The following FARP2 variants were observed in gnomAD, a reference collection of about 807,000 sequenced individuals.
FARP2 encodes the protein FERM, ARH/RhoGEF and pleckstrin domain protein 2.
A neutral mutation model predicts 130.5 loss-of-function variants in FARP2; 111 were observed. The ratio of observed to expected loss-of-function variants is 0.85; its 90% CI spans 0.73 to 1.00. The LOEUF (loss-of-function observed/expected upper bound fraction) is 1.00. FARP2 is among the 50% of genes least tolerant of loss of function. The pLI, the probability that FARP2 is intolerant of heterozygous loss-of-function variation, is 0.00. For synonymous variants in FARP2, 504 were observed against 516.9 expected, an observed-to-expected ratio of 0.98 and a Z score of 0.34; for missense variants, 1,385 against 1,346.3, an observed-to-expected ratio of 1.03 and a Z score of -0.45.
At chr2:241,430,209 T>A (rs1367572093) in intron 8 of FARP2, among the ~76,000 whole-genome samples, 2 of 152,372 alleles carry the variant, frequency 1.3e-5, no homozygotes, top group African/African-American at 4.8e-5. Context: ...TCAAGCTGCC[T>A]CTTGTGTCCT....
At chr2:241,462,716 G>A in intron 15 of FARP2, 104 bp downstream of exon 15, 1 of 756,532 alleles carries the variant, frequency 1.3e-6, no homozygotes, top group Non-Finnish European at 2.2e-6. Flanking sequence ...TTGAGATGGA[G>A]CCTCACTCTG....
chr2:241,390,456 T>C (rs2061880093), intron 2 of FARP2, among the ~76,000 whole-genome samples: 2 of 152,206 alleles, frequency 1.3e-5, no homozygotes, highest in Admixed American at 1.3e-4. Context: ...TTTCATCATT[T>C]TTATCTCTAG....
At position 241,475,992 on chromosome 2, in the gene FARP2, G is replaced by A. The variant is rs1244197735; in HGVS notation, c.2262+5G>A. ...AACCTCATTGCTCCTGGCAGGGTGAGTGACCTTGCTCTGGGAATGTTTTTT... is the reference window on the plus strand; with the variant it reads ...AACCTCATTGCTCCTGGCAGGGTGAATGACCTTGCTCTGGGAATGTTTTTT... On this transcript the variant is annotated splice_donor_5th_base_variant and intron_variant, in intron 19 of 26. Transcript: ENST00000264042. The surrounding 1 kb of genome is among the most constrained non-coding windows in gnomAD (Gnocchi z 4.4). The A allele has an allele frequency of 6.2e-7, 1 of 1,608,906 alleles. No homozygotes were observed. The highest frequency in any genetic ancestry group is 1.3e-5 in the African/African-American group (1 of 74,650).
At chr2:241,411,306 C>T (rs1574767426) in intron 6 of FARP2, among the ~76,000 whole-genome samples, 176 bp downstream of exon 6, 1 of 152,372 alleles carries the variant, frequency 6.6e-6, no homozygotes, top group East Asian at 1.9e-4. Flanking sequence ...TAAAGTGGAA[C>T]TCCTTGAGGC....
intron 13 of FARP2, chr2:241,442,290 G>A (rs938549102): frequency 1.8e-5 from 8 of 456,546 alleles, no homozygotes; most frequent in Admixed American, 7.1e-5. Flanking sequence ...AGTCCAGCTC[G>A]GCCTTCCAGT....
chr2:241,450,282 C>T (rs1038282339), intron 13 of FARP2, among the ~76,000 whole-genome samples: 20 of 151,474 alleles, frequency 1.3e-4, no homozygotes, highest in African/African-American at 4.9e-4. Context: ...AGGATCGAGC[C>T]TGGAGGTCAA....
Position 241,475,990 on chromosome 2 carries a change from G to A in FARP2, c.2262+3G>A, listed in dbSNP as rs1275337643. The A allele has an allele frequency of 1.2e-6, 2 of 1,609,208 alleles. No homozygotes were observed. The highest frequency in any genetic ancestry group is 1.1e-5 in the South Asian group (1 of 90,260). On this transcript the variant is annotated splice_donor_region_variant and intron_variant, in intron 19 of 26. Transcript: ENST00000264042. This position sits in a 1 kb window ranked among gnomAD's most constrained non-coding sequence, Gnocchi z 4.4. ...AGAACCTCATTGCTCCTGGCAGGGTGAGTGACCTTGCTCTGGGAATGTTTT... is the reference window on the plus strand; with the variant it reads ...AGAACCTCATTGCTCCTGGCAGGGTAAGTGACCTTGCTCTGGGAATGTTTT...
rs1553709361 is a variant in FARP2, at chr2:241,382,290, C to CTCT, written c.183+9001_183+9002insCTT. ...TATTTTCAGTTTCTCTGTACAAAAT[C>CTCT]TATTTTTTTTTTTTTTTTTTTTGAG... On this transcript the variant is annotated intron_variant, in intron 2 of 26. Transcript: ENST00000264042. Among the ~76,000 whole-genome samples, 195 of 127,164 alleles carry CTCT rather than the reference C, an allele frequency of 1.5e-3. 13 individuals carry two copies. Among genetic ancestry groups the CTCT allele is most frequent in the East Asian group, 7.4e-3 (31 of 4,162 alleles). 83.4% of individuals were successfully genotyped at this position (127,164 alleles called of 152,430 possible).
chr2:241,457,094 A>C (rs899014731), intron 14 of FARP2, among the ~76,000 whole-genome samples, 172 bp downstream of exon 14: 1 of 152,176 alleles, frequency 6.6e-6, no homozygotes, highest in Admixed American at 6.5e-5. Context: ...CGCCTTCCCT[A>C]GCAAAACCTT....
intron 21 of FARP2, among the ~76,000 whole-genome samples, chr2:241,487,910 G>A (rs1447874053): frequency 6.6e-6 from 1 of 151,662 alleles, no homozygotes; most frequent in African/African-American, 2.4e-5. Flanking sequence ...ACCACGCCTG[G>A]CTAATTTTTT....
At chr2:241,391,759 CT>C (rs2061910410) in intron 2 of FARP2, among the ~76,000 whole-genome samples, 1 of 152,208 alleles carries the variant, frequency 6.6e-6, no homozygotes, top group African/African-American at 2.4e-5. Flanking sequence ...GTGGATTTGG[CT>C]TTTTTTCTCC....
intron 2 of FARP2, among the ~76,000 whole-genome samples, chr2:241,379,382 G>A (rs1374419821): frequency 6.6e-6 from 1 of 152,248 alleles, no homozygotes; most frequent in African/African-American, 2.4e-5. Context: ...TTGCTGACAA[G>A]TGGGGATTGC....
chr2:241,461,485 C>T (rs2064015955), intron 14 of FARP2, among the ~76,000 whole-genome samples: 1 of 152,242 alleles, frequency 6.6e-6, no homozygotes. Flanking sequence ...GCTCCAGCCC[C>T]TTGACCTCTG....
At chr2:241,468,696 T>C (rs902558781) in intron 18 of FARP2, among the ~76,000 whole-genome samples, 2 of 152,234 alleles carry the variant, frequency 1.3e-5, no homozygotes, top group Non-Finnish European at 2.9e-5. Context: ...GGCATGCTCC[T>C]GCTGGGGACC....
intron 10 of FARP2, 35 bp from the exon 11 acceptor site, chr2:241,434,927 T>A: frequency 8.1e-7 from 1 of 1,235,106 alleles, no homozygotes; most frequent in Non-Finnish European, 1.2e-6. Context: ...GCTGACTTAC[T>A]GTTCTTTATT....
At chr2:241,417,593 G>A (rs1454487462) in intron 7 of FARP2, among the ~76,000 whole-genome samples, 1 of 152,066 alleles carries the variant, frequency 6.6e-6, no homozygotes, top group African/African-American at 2.4e-5. Flanking sequence ...AAGGTGCTGG[G>A]ATTACAGGCG....
At position 241,422,785 on chromosome 2, in the gene FARP2, A is replaced by T. The variant is rs143561930; in HGVS notation, c.771+4676A>T. ...GAGAGAAACATAACCTACCTGATGT[A>T]GCTGAAAAACACAACACGAGAACCT... On this transcript the variant is annotated intron_variant, in intron 8 of 26. Transcript: ENST00000264042. Among the ~76,000 whole-genome samples the T allele has an allele frequency of 2.1e-4, 32 of 152,378 alleles. No individual in the cohort carries two copies. The East Asian group carries it at 5.8e-3, about 28-fold the overall frequency.
At chr2:241,422,129 A>G (rs1193824447) in intron 8 of FARP2, among the ~76,000 whole-genome samples, 3 of 151,224 alleles carry the variant, frequency 2.0e-5, no homozygotes, top group Non-Finnish European at 4.4e-5. Context: ...TGGGCAACAG[A>G]GCGAGACTGT....
intron 13 of FARP2, chr2:241,445,911 G>T (rs1347722258): frequency 6.6e-6 from 1 of 152,204 alleles, no homozygotes; most frequent in African/African-American, 2.4e-5. Context: ...TCATAGCCAG[G>T]TGTGTCTACT....
Sources: allele counts gnomAD v4.1 joint callset (sites outside exome capture counted in the v4.1 genomes callset), GRCh38; gene constraint gnomAD v4.1.1; non-coding constraint Gnocchi (gnomAD v3.1); transcripts MANE v1.5; gene names NCBI Gene and HGNC (gene_info 2026-07-23, HGNC 2026-07-21).